The following FER1L5 variants were observed in gnomAD, a reference collection of about 807,000 sequenced individuals.
FER1L5 encodes the protein fer-1 like family member 5.
In FER1L5, 187 loss-of-function variants were observed where a neutral mutation model predicts 279.9. The observed-to-expected ratio is 0.67, with a 90% CI of 0.59 to 0.75. The LOEUF (loss-of-function observed/expected upper bound fraction) is 0.75, where lower values mean the gene tolerates loss of function less well. Ranked by LOEUF, FER1L5 falls within the 30% of genes least tolerant of loss-of-function variation. The pLI, the probability that FER1L5 is intolerant of heterozygous loss-of-function variation, is 0.00. For missense variants in FER1L5, 2,091 were observed against 2,594.4 expected, an observed-to-expected ratio of 0.81 and a Z score of 4.21; for synonymous variants, 921 against 989.7, an observed-to-expected ratio of 0.93 and a Z score of 1.30.
chr2:96,657,099 G>A (rs1161514339), intron 9 of FER1L5, among the ~76,000 whole-genome samples: 2 of 150,042 alleles, frequency 1.3e-5, no homozygotes, highest in African/African-American at 2.4e-5. Flanking sequence ...TTTTGAGACA[G>A]AGTCTTGCTC....
At chr2:96,649,531 A>T in intron 4 of FER1L5, 92 bp from the exon 5 acceptor site, 1 of 1,213,156 alleles carries the variant, frequency 8.2e-7, no homozygotes, top group Non-Finnish European at 1.2e-6. Flanking sequence ...CAGGAGGACC[A>T]GGTGTGAACC....
At chr2:96,646,304 A>C in intron 1 of FER1L5, 97 bp from the exon 2 acceptor site, 1 of 1,369,258 alleles carries the variant, frequency 7.3e-7, no homozygotes, top group Non-Finnish European at 1.0e-6. Flanking sequence ...GGCCGACTTG[A>C]AGTTTTCTTA....
intron 6 of FER1L5, 100 bp downstream of exon 6, chr2:96,650,389 G>A (rs2075312079): frequency 2.0e-6 from 2 of 989,592 alleles, no homozygotes. Context: ...ATGGTAGAAG[G>A]GCAGAGCTTC....
intron 7 of FER1L5, 171 bp from the exon 8 acceptor site, chr2:96,653,469 T>A: frequency 4.9e-6 from 3 of 615,606 alleles, no homozygotes. Flanking sequence ...TTTTGGAGCA[T>A]TTTTTATTTC....
intron 37 of FER1L5, 140 bp downstream of exon 37, chr2:96,696,217 C>A: frequency 1.0e-6 from 1 of 990,124 alleles, no homozygotes; most frequent in Non-Finnish European, 1.5e-6. Context: ...GGTCCTCAGC[C>A]TATAGGGTCT....
intron 4 of FER1L5, 52 bp from the exon 5 acceptor site, chr2:96,649,571 T>C (rs902217063): frequency 6.5e-7 from 1 of 1,535,324 alleles, no homozygotes; most frequent in Non-Finnish European, 8.8e-7. Context: ...TTGGGTGCTG[T>C]GTCCAAGGAT....
At chr2:96,703,807 GCC>G (rs1232871153) in intron 51 of FER1L5, among the ~76,000 whole-genome samples, 175 bp downstream of exon 51, 1 of 124,294 alleles carries the variant, frequency 8.0e-6, no homozygotes. Context: ...AGCAAAAGTT[GCC>G]TTTTTTTTTT....
intron 18 of FER1L5, 91 bp from the exon 19 acceptor site, chr2:96,672,986 A>G: frequency 6.9e-7 from 1 of 1,441,760 alleles, no homozygotes; most frequent in Non-Finnish European, 9.3e-7. Flanking sequence ...TGGCTTTGAA[A>G]GAAAGATACC....
chr2:96,659,787 G>A (rs1294369636), intron 9 of FER1L5, among the ~76,000 whole-genome samples: 9 of 151,854 alleles, frequency 5.9e-5, no homozygotes, highest in East Asian at 1.9e-4. Context: ...CACTGCGTCC[G>A]GCCAATCAAG....
At chr2:96,645,307 G>A (rs551178567) in intron 1 of FER1L5, among the ~76,000 whole-genome samples, 3 of 152,182 alleles carry the variant, frequency 2.0e-5, no homozygotes, top group Non-Finnish European at 4.4e-5. Context: ...GGGACTAGCC[G>A]CTTGCCCCTT....
Position 96,665,605 on chromosome 2 carries a change from C to CT in FER1L5, c.1140+2112dup, listed in dbSNP as rs769796630. Among the ~76,000 whole-genome samples, 313 of 143,828 alleles carry CT rather than the reference C, an allele frequency of 2.2e-3. 1 individual carries two copies. The highest frequency in any genetic ancestry group is 0.011 in the Middle Eastern group (3 of 276). 94.4% of individuals were successfully genotyped at this position (143,828 alleles called of 152,430 possible). Reference sequence around the variant, plus strand: ...TCTTCTGTTCATCTTCTTTGTTCATCTTTTTTTTTTTTTTCTGAGACAGAG... The same window carrying CT: ...TCTTCTGTTCATCTTCTTTGTTCATCTTTTTTTTTTTTTTTCTGAGACAGAG... On this transcript the variant is annotated intron_variant, in intron 14 of 52. Coordinates refer to ENST00000624922, the MANE Select transcript of FER1L5 (RefSeq NM_001293083.2).
intron 14 of FER1L5, among the ~76,000 whole-genome samples, chr2:96,665,545 G>C (rs1353354190): frequency 6.6e-6 from 1 of 151,956 alleles, no homozygotes; most frequent in Non-Finnish European, 1.5e-5. Flanking sequence ...GATGTTCTGT[G>C]GCTGTTCAGA....
At chr2:96,690,391 C>A in intron 26 of FER1L5, 96 bp from the exon 27 acceptor site, 1 of 1,139,168 alleles carries the variant, frequency 8.8e-7, no homozygotes. Flanking sequence ...GCTGCTGCGG[C>A]CACAGCAGGC....
chr2:96,643,619 G>C (rs1187552622), intron 1 of FER1L5, among the ~76,000 whole-genome samples: 1 of 151,972 alleles, frequency 6.6e-6, no homozygotes, highest in Non-Finnish European at 1.5e-5. Context: ...CAGAGTGCTG[G>C]GATTACAGGC....
intron 9 of FER1L5, among the ~76,000 whole-genome samples, chr2:96,659,663 T>C (rs2075880969): frequency 6.6e-6 from 1 of 150,602 alleles, no homozygotes; most frequent in Non-Finnish European, 1.5e-5. Flanking sequence ...GGCTAATTTT[T>C]TGTATTTTTA....
Position 96,659,339 on chromosome 2 carries a change from TTCCTTCCTTCCTTCCTTCCTTCC to T in FER1L5, c.748-1000_748-978del, listed in dbSNP as rs1197954728. ...CTTCCTTCCTTCCTTCCTTCCTTCC[TTCCTTCCTTCCTTCCTTCCTTCC>T]TTCTTTCTTTCTTTCTTTCTTTCTT... is the stretch of plus-strand genomic sequence containing the variant. On this transcript the variant is annotated intron_variant, in intron 9 of 52. Coordinates refer to ENST00000624922, the MANE Select transcript of FER1L5 (RefSeq NM_001293083.2). Among the ~76,000 whole-genome samples, 41 of 86,120 alleles carry T rather than the reference TTCCTTCCTTCCTTCCTTCCTTCC, an allele frequency of 4.8e-4. 1 individual carries two copies. In the East Asian group the frequency reaches 6.3e-3, roughly 13 times the overall value. The allele number at this position is 86,120 out of a possible 152,430, so 56.5% of individuals were successfully genotyped here.
intron 19 of FER1L5, among the ~76,000 whole-genome samples, chr2:96,683,953 T>C (rs1477695165): frequency 6.6e-6 from 1 of 152,010 alleles, no homozygotes; most frequent in Non-Finnish European, 1.5e-5. Context: ...CCCAGAGGCG[T>C]GCCCCGTGCC....
chr2:96,676,597 A>G (rs2076517568), intron 19 of FER1L5, among the ~76,000 whole-genome samples: 1 of 151,346 alleles, frequency 6.6e-6, no homozygotes, highest in Non-Finnish European at 1.5e-5. Context: ...AGGCCACTGG[A>G]ATTTCCTGTG....
At position 96,697,834 on chromosome 2, in the gene FER1L5, C is replaced by G; in HGVS notation, c.4236+73C>G. On this transcript the variant is annotated intron_variant, in intron 39 of 52. Transcript: ENST00000624922. ...GAGGCCAGCAGAGCTAGCCTTGATT[C>G]CTCTGGGAAGCCTCAAGTGGGAAGG... 6.4e-6 allele frequency: 10 copies of G among 1,553,212 alleles called. No homozygotes were observed. The South Asian group carries it at 1.1e-4, about 18-fold the overall frequency.
Sources: gnomAD v4.1 joint callset for allele counts (sites outside exome capture counted in the v4.1 genomes callset) on GRCh38, gnomAD v4.1.1 for gene constraint, MANE v1.5 for transcripts, NCBI Gene and HGNC (gene_info 2026-07-23, HGNC 2026-07-21) for gene names.